UGT2A2: variants seen among roughly 807,000 people sequenced by gnomAD.
UGT2A2 encodes UDP-glucuronosyltransferase 2A2.
A neutral mutation model predicts 50.7 loss-of-function variants in UGT2A2; 60 were observed. The ratio of observed to expected loss-of-function variants is 1.18; its 90% CI spans 0.96 to 1.47. UGT2A2 has a LOEUF of 1.47. Ranked by LOEUF, UGT2A2 falls within the 40% of genes most tolerant of loss-of-function variation. The pLI, the probability that UGT2A2 is intolerant of heterozygous loss-of-function variation, is 0.00. For missense variants in UGT2A2, 762 were observed against 634.0 expected, an observed-to-expected ratio of 1.20 and a Z score of -2.17; for synonymous variants, 242 against 214.6, an observed-to-expected ratio of 1.13 and a Z score of -1.11.
chr4:69,630,206 C>A (rs1721306426), intron 1 of UGT2A2, among the ~76,000 whole-genome samples: 1 of 152,026 alleles, frequency 6.6e-6, no homozygotes. Flanking sequence ...TGAGGATATA[C>A]CAATAGTAAT....
At chr4:69,626,499 A>C (rs1465718586) in intron 1 of UGT2A2, among the ~76,000 whole-genome samples, 1 of 151,690 alleles carries the variant, frequency 6.6e-6, no homozygotes, top group Non-Finnish European at 1.5e-5. Flanking sequence ...TATTCCAAAA[A>C]ACAAAACAGA....
rs1314595505 is a variant in UGT2A2, at chr4:69,606,145, C to G, written c.743-6751G>C. Among the ~76,000 whole-genome samples, 2 of 136,254 alleles carry G rather than the reference C, an allele frequency of 1.5e-5. 1 individual carries two copies. The highest frequency in any genetic ancestry group is 1.4e-4 in the Admixed American group (2 of 13,900). The allele number at this position is 136,254 out of a possible 152,430, so 89.4% of individuals were successfully genotyped here. On this transcript the variant is annotated intron_variant, in intron 1 of 5. Coordinates refer to ENST00000604629, the MANE Select transcript of UGT2A2 (RefSeq NM_001105677.2). Reference sequence around the variant, plus strand: ...AAAAAGAGAATTTTAGACCAATATCCCTGATGAACATCGAGGCAAAAATCC... The same window carrying G: ...AAAAAGAGAATTTTAGACCAATATCGCTGATGAACATCGAGGCAAAAATCC...
chr4:69,598,864 T>G (rs1487440775), intron 2 of UGT2A2, among the ~76,000 whole-genome samples: 1 of 152,154 alleles, frequency 6.6e-6, no homozygotes, highest in South Asian at 2.1e-4. Context: ...CCAACAGTTT[T>G]CATGAAGACA....
chr4:69,605,057 T>C (rs572364272), intron 1 of UGT2A2, among the ~76,000 whole-genome samples: 1 of 136,878 alleles, frequency 7.3e-6, no homozygotes, highest in African/African-American at 3.0e-5. Context: ...AACTCAGCTC[T>C]GCACCAAGTA....
At chr4:69,625,918 T>C (rs891374123) in intron 1 of UGT2A2, among the ~76,000 whole-genome samples, 13 of 151,582 alleles carry the variant, frequency 8.6e-5, no homozygotes, top group Admixed American at 4.0e-4. Context: ...AAATAAGATG[T>C]TTAGAATTGC....
At chr4:69,636,815 T>C (rs1299984863) in intron 1 of UGT2A2, among the ~76,000 whole-genome samples, 1 of 151,900 alleles carries the variant, frequency 6.6e-6, no homozygotes, top group Non-Finnish European at 1.5e-5. Flanking sequence ...TATCATATGA[T>C]CCTCCTAACG....
chr4:69,629,641 C>G (rs548451754), intron 1 of UGT2A2, among the ~76,000 whole-genome samples: 2 of 151,964 alleles, frequency 1.3e-5, no homozygotes, highest in Admixed American at 6.6e-5. Context: ...AAACTGCATC[C>G]CGTCACCACA....
intron 1 of UGT2A2, among the ~76,000 whole-genome samples, chr4:69,621,513 G>A (rs968040752): frequency 5.3e-5 from 8 of 151,886 alleles, no homozygotes; most frequent in Non-Finnish European, 1.2e-4. Flanking sequence ...AGATGCTGGC[G>A]AGGTTGCAGA....
At chr4:69,626,090 T>G (rs10013712) in intron 1 of UGT2A2, among the ~76,000 whole-genome samples, 52,988 of 151,172 alleles carry the variant, frequency 0.35, 9,621 homozygotes, top group African/African-American at 0.43. Context: ...AGTCATATAT[T>G]TATGCTTTGT....
intron 1 of UGT2A2, among the ~76,000 whole-genome samples, chr4:69,610,910 A>T (rs530322764): frequency 6.6e-6 from 1 of 152,272 alleles, no homozygotes; most frequent in Non-Finnish European, 1.5e-5. Context: ...TAAATTAGCT[A>T]ATCTTTTTCA....
chr4:69,624,038 T>C (rs1016674112), intron 1 of UGT2A2, among the ~76,000 whole-genome samples: 9 of 151,726 alleles, frequency 5.9e-5, no homozygotes, highest in African/African-American at 2.2e-4. Flanking sequence ...TATTTCCTCA[T>C]TTATTTTCTG....
At chr4:69,592,814 A>T (rs1297583387) in intron 5 of UGT2A2, among the ~76,000 whole-genome samples, 1 of 152,112 alleles carries the variant, frequency 6.6e-6, no homozygotes, top group African/African-American at 2.4e-5. Context: ...AATACAAAAA[A>T]AATTAATTTC....
At chr4:69,608,931 T>C (rs1349551361) in intron 1 of UGT2A2, among the ~76,000 whole-genome samples, 6 of 152,226 alleles carry the variant, frequency 3.9e-5, no homozygotes, top group Non-Finnish European at 5.9e-5. Flanking sequence ...ATAGCTTCTA[T>C]TAAGACAGCA....
intron 1 of UGT2A2, among the ~76,000 whole-genome samples, chr4:69,636,668 T>G (rs7692074): frequency 0.24 from 36,732 of 151,970 alleles, 4,681 homozygotes; most frequent in African/African-American, 0.27. Flanking sequence ...TAGATTTTTT[T>G]GGCTACTTTC....
At chr4:69,631,308 C>A (rs954166628) in intron 1 of UGT2A2, among the ~76,000 whole-genome samples, 1 of 58,272 alleles carries the variant, frequency 1.7e-5, no homozygotes, top group Non-Finnish European at 3.5e-5. Flanking sequence ...GAGAGAGTTA[C>A]TTAATTTTTA....
intron 4 of UGT2A2, 110 bp from the exon 5 acceptor site, chr4:69,594,806 G>GT (rs1718821537): frequency 7.6e-7 from 1 of 1,320,882 alleles, no homozygotes; most frequent in African/African-American, 1.5e-5. Context: ...AGAAGGATAC[G>GT]TTTTCTACAA....
intron 2 of UGT2A2, 53 bp from the exon 3 acceptor site, chr4:69,596,434 TAA>T: frequency 7.0e-7 from 1 of 1,422,428 alleles, no homozygotes; most frequent in Non-Finnish European, 9.3e-7. Context: ...TAAGAAAAAA[TAA>T]GTTTACTTAC....
chr4:69,603,312 C>G (rs1719406464), intron 1 of UGT2A2, among the ~76,000 whole-genome samples: 1 of 135,940 alleles, frequency 7.4e-6, no homozygotes, highest in African/African-American at 3.0e-5. Context: ...AAAAACAAAA[C>G]CACTTATGTA....
intron 1 of UGT2A2, among the ~76,000 whole-genome samples, chr4:69,630,460 C>G (rs1191878278): frequency 6.6e-6 from 1 of 152,120 alleles, no homozygotes; most frequent in East Asian, 1.9e-4. Context: ...TCAACCATCA[C>G]TATTCCCTCT....
Sources: gnomAD v4.1 joint callset for allele counts (sites outside exome capture counted in the v4.1 genomes callset) on GRCh38, gnomAD v4.1.1 for gene constraint, MANE v1.5 for transcripts, NCBI Gene and HGNC (gene_info 2026-07-23, HGNC 2026-07-21) for gene names.